The following SETD3 variants were observed in gnomAD, a reference collection of about 807,000 sequenced individuals.
SETD3 encodes SET domain containing 3, actin N3(tau)-histidine methyltransferase.
Under a neutral mutation model 63.0 loss-of-function variants are expected in SETD3, and 19 were observed. The observed-to-expected ratio is 0.30, with a 90% CI of 0.21 to 0.44. The LOEUF is 0.44. SETD3 is among the 20% of genes least tolerant of loss of function. The pLI is 1.00. For missense variants in SETD3, 587 were observed against 728.5 expected (o/e 0.81, Z 2.24); for synonymous variants, 286 against 264.1 (o/e 1.08, Z -0.80).
At chr14:99,452,212 T>C (rs1408292458) in intron 6 of SETD3, among the ~76,000 whole-genome samples, 5 of 152,132 alleles carry the variant, frequency 3.3e-5, no homozygotes, top group East Asian at 1.9e-4. Flanking sequence ...GTTCAAGCAA[T>C]TCTCCTGCCT....
intron 6 of SETD3, among the ~76,000 whole-genome samples, chr14:99,423,588 CAAAAAAAAAAAAAA>C (rs536996347): frequency 1.9e-4 from 7 of 36,898 alleles, no homozygotes; most frequent in South Asian, 3.9e-3. Flanking sequence ...CACTGTTATG[CAAAAAAAAAAAAAA>C]AAAAAAAAAA....
upstream of SETD3, chr14:99,481,511 C>T: frequency 2.5e-6 from 1 of 398,642 alleles, no homozygotes. Context: ...GGCAGCGCCG[C>T]CCACCTCCCG....
At chr14:99,451,506 C>CT (rs953520247) in intron 6 of SETD3, among the ~76,000 whole-genome samples, 1 of 151,518 alleles carries the variant, frequency 6.6e-6, no homozygotes, top group African/African-American at 2.4e-5. Context: ...TTCTTTTTTT[C>CT]TTTTTTTGAG....
At chr14:99,461,900 T>G (rs1208452516) in intron 3 of SETD3, among the ~76,000 whole-genome samples, 1 of 152,244 alleles carries the variant, frequency 6.6e-6, no homozygotes, top group African/African-American at 2.4e-5. Context: ...TAACACTAAA[T>G]GTACCACAGT....
intron 6 of SETD3, among the ~76,000 whole-genome samples, chr14:99,421,383 T>C (rs1195117677): frequency 6.6e-6 from 1 of 151,986 alleles, no homozygotes; most frequent in East Asian, 1.9e-4. Flanking sequence ...TACGTTGGAC[T>C]CTGTTTAAAT....
intron 3 of SETD3, among the ~76,000 whole-genome samples, chr14:99,463,109 G>A (rs1422289942): frequency 6.6e-6 from 1 of 152,114 alleles, no homozygotes; most frequent in African/African-American, 2.4e-5. Context: ...TATAAACCTT[G>A]CTAATGCATT....
chr14:99,404,168 A>C, intron 11 of SETD3, 57 bp downstream of exon 11: 1 of 1,422,340 alleles, frequency 7.0e-7, no homozygotes, highest in East Asian at 2.3e-5. Context: ...TATGCTTTAC[A>C]CTTTCATGAT....
At chr14:99,459,700 A>G (rs1894964337) in intron 4 of SETD3, among the ~76,000 whole-genome samples, 1 of 152,214 alleles carries the variant, frequency 6.6e-6, no homozygotes, top group South Asian at 2.1e-4. Context: ...CAGAAGACAC[A>G]TTGGTTTAGA....
At chr14:99,475,113 G>C (rs1287799888) in intron 1 of SETD3, among the ~76,000 whole-genome samples, 1 of 152,124 alleles carries the variant, frequency 6.6e-6, no homozygotes, top group African/African-American at 2.4e-5. Context: ...AAATAAAAAA[G>C]ACAATGTTAT....
upstream of SETD3, among the ~76,000 whole-genome samples, chr14:99,483,808 G>T (rs1566745043): frequency 6.6e-6 from 1 of 152,196 alleles, no homozygotes; most frequent in Non-Finnish European, 1.5e-5. Flanking sequence ...GATGTCTTTG[G>T]AGATATGCTA....
chr14:99,458,488 C>A lies in SETD3; in HGVS notation c.466G>T (p.Ala156Ser). Residue 156 changes from alanine (A) to serine (S), a missense_variant, in exon 6 of 13, where the codon GCA becomes TCA. Ala to Ser is a moderately conservative substitution (Grantham distance 99). Coordinates refer to ENST00000331768, the MANE Select transcript of SETD3 (RefSeq NM_032233.3). ...DRILQAMGNIALAFHLLCERA... is the reference protein window; with the variant it reads ...DRILQAMGNISLAFHLLCERA... The stretch of plus-strand genomic sequence containing the variant: ...TCACACAGCAAATGAAAGGCCAGTG[C>A]GATGTTTCCCATGGCTTGAAGGATT... 1 of 1,614,094 alleles carries A rather than the reference C, an allele frequency of 6.2e-7. No homozygotes were observed. Among genetic ancestry groups the A allele is most frequent in the Non-Finnish European group, 8.5e-7 (1 of 1,180,024 alleles).
Position 99,398,689 on chromosome 14 carries a change from A to C in SETD3, c.1775T>G (p.Val592Gly). ...CAGCTTCACCTCGAGCTACTCCTTA[A>C]CTCCAGCAGTGCTGTCTGAAGAAGA... The part of the protein sequence containing the change: ...KGSSSDSTAG[V>G]KE Residue 592 changes from valine (V) to glycine (G), a missense_variant, in exon 13 of 13, where the codon GTT (valine) becomes GGT (glycine). Transcript: ENST00000331768. 6.2e-7 allele frequency: 1 copy of C among 1,613,264 alleles called. No individual in the cohort carries two copies. Among genetic ancestry groups the C allele is most frequent in the Non-Finnish European group, 8.5e-7 (1 of 1,179,418 alleles).
chr14:99,479,460 A>G (rs1896145764), intron 1 of SETD3, among the ~76,000 whole-genome samples: 1 of 152,248 alleles, frequency 6.6e-6, no homozygotes, highest in Non-Finnish European at 1.5e-5. Flanking sequence ...AAATTTTAAC[A>G]GTGGAGAGGA....
upstream of SETD3, among the ~76,000 whole-genome samples, chr14:99,483,791 C>G (rs1169747759): frequency 6.6e-6 from 1 of 152,148 alleles, no homozygotes; most frequent in Admixed American, 6.5e-5. Context: ...TGATGTAAGC[C>G]TGGGGAGATG....
chr14:99,429,360 C>G (rs1444932850), intron 6 of SETD3, among the ~76,000 whole-genome samples: 1 of 152,158 alleles, frequency 6.6e-6, no homozygotes, highest in African/African-American at 2.4e-5. Flanking sequence ...ATCACACCAC[C>G]AAGGGCACAG....
At chr14:99,440,925 A>C (rs1489333115) in intron 6 of SETD3, among the ~76,000 whole-genome samples, 1 of 152,198 alleles carries the variant, frequency 6.6e-6, no homozygotes, top group Non-Finnish European at 1.5e-5. Context: ...GGATCTGATA[A>C]ATTCCTCCCT....
intron 6 of SETD3, among the ~76,000 whole-genome samples, chr14:99,439,952 T>C (rs1438056447): frequency 6.6e-6 from 1 of 151,626 alleles, no homozygotes; most frequent in Admixed American, 6.6e-5. Context: ...CATGCTCAGG[T>C]AATCTTTCTG....
intron 1 of SETD3, among the ~76,000 whole-genome samples, chr14:99,472,427 T>C (rs1895752540): frequency 6.6e-6 from 1 of 152,222 alleles, no homozygotes; most frequent in Non-Finnish European, 1.5e-5. Flanking sequence ...ACTACCCTTT[T>C]CATTTATGAT....
chr14:99,432,324 G>C (rs1893229321), intron 6 of SETD3, among the ~76,000 whole-genome samples: 1 of 152,254 alleles, frequency 6.6e-6, no homozygotes, highest in Admixed American at 6.5e-5. Flanking sequence ...AGGAAAAAAT[G>C]TCAGTATTTC....
Sources: gnomAD v4.1 joint callset for allele counts (sites outside exome capture counted in the v4.1 genomes callset) on GRCh38, gnomAD v4.1.1 for gene constraint, MANE v1.5 for transcripts, NCBI Gene and HGNC (gene_info 2026-07-23, HGNC 2026-07-21) for gene names.